Variants in PCDHGA9 observed in about 807,000 individuals in gnomAD.
PCDHGA9 encodes protocadherin gamma subfamily A, 9, also known as protocadherin gamma-A9.
In PCDHGA9, 37 loss-of-function variants were observed where a neutral mutation model predicts 62.5. That is an observed-to-expected ratio of 0.59 (90% CI 0.46 to 0.78). PCDHGA9 has a LOEUF of 0.78. Ranked by LOEUF, PCDHGA9 falls within the 30% of genes least tolerant of loss-of-function variation. The pLI, the probability that PCDHGA9 is intolerant of heterozygous loss-of-function variation, is 0.00. For missense variants in PCDHGA9, 1,138 were observed against 1,166.2 expected (o/e 0.98, Z 0.35); for synonymous variants, 459 against 484.6 (o/e 0.95, Z 0.69).
At chr5:141,420,651 T>A (rs1357679146) in intron 1 of PCDHGA9, among the ~76,000 whole-genome samples, 1 of 152,274 alleles carries the variant, frequency 6.6e-6, no homozygotes, top group East Asian at 1.9e-4. Flanking sequence ...GTAAGAATTA[T>A]AGTTAGGCAT....
At chr5:141,422,500 G>A (rs762511271) in intron 1 of PCDHGA9, 1 of 1,614,008 alleles carries the variant, frequency 6.2e-7, no homozygotes, top group Non-Finnish European at 8.5e-7. Flanking sequence ...AACGTTGACA[G>A]CCACAGACCA....
At chr5:141,448,263 A>G (rs2098578874) in intron 1 of PCDHGA9, among the ~76,000 whole-genome samples, 1 of 152,088 alleles carries the variant, frequency 6.6e-6, no homozygotes, top group Non-Finnish European at 1.5e-5. Flanking sequence ...ATTTTACAGT[A>G]TATATACTGT....
rs1317150359 is a variant in PCDHGA9 at position 141,420,381 on chromosome 5, G to A, written c.2424+15005G>A. On this transcript the variant is annotated intron_variant, in intron 1 of 3. Transcript: ENST00000573521. ...TCTAGATAACTTCTTCATAGAGTTC[G>A]CAAAATATAGGTCAAATTTATGGTT... The A allele has an allele frequency of 1.1e-5, 14 of 1,298,362 alleles. No homozygotes were observed. In the Admixed American group the frequency reaches 1.3e-4, roughly 13 times the overall value. The allele number at this position is 1,298,362 out of a possible 1,614,324, so 80.4% of individuals were successfully genotyped here.
rs776335336 is a variant in PCDHGA9 at position 141,403,470 on chromosome 5, G to A, written c.518G>A (p.Ser173Asn). The A allele has an allele frequency of 3.7e-5, 59 of 1,613,910 alleles. No homozygotes were observed. Among genetic ancestry groups the A allele is most frequent in the Non-Finnish European group, 4.8e-5 (57 of 1,179,918 alleles). ...GVNSLQSYQL[S>N]PNHHFSLNVQ... is the part of the protein sequence containing the mutation. ...AACTCCCTCCAGAGCTACCAGCTCAGCCCCAATCACCACTTCTCCCTGAAC... is the reference window on the plus strand; with the variant it reads ...AACTCCCTCCAGAGCTACCAGCTCAACCCCAATCACCACTTCTCCCTGAAC... Residue 173 changes from serine (S) to asparagine (N), a missense_variant, in exon 1 of 4, where the codon AGC (serine) becomes AAC (asparagine). By Grantham distance (46) the Ser-to-Asn change is conservative. Coordinates refer to ENST00000573521, the MANE Select transcript of PCDHGA9 (RefSeq NM_018921.3).
rs1437533706 is a variant in PCDHGA9, at chr5:141,511,419, G to C, written c.*246G>C. On this transcript the variant is annotated 3_prime_UTR_variant, in exon 4 of 4. Transcript: ENST00000573521. ...ATCCAATCAACTGCTGTACCCATGG[G>C]GGTAGTGGGGTTACTGTAGACACCA... The C allele has an allele frequency of 2.4e-6, 2 of 830,456 alleles. No individual in the cohort carries two copies. The highest frequency in any genetic ancestry group is 5.8e-5 in the East Asian group (2 of 34,260). 51.4% of individuals were successfully genotyped at this position (830,456 alleles called of 1,614,324 possible).
Position 141,415,740 on chromosome 5 carries a change from GTTTTTTTTTTTTTTTTTTT to G in PCDHGA9, c.2424+10378_2424+10396del, listed in dbSNP as rs57426385. ...TGAGTAGAATTTGATGTTTATTAAG[GTTTTTTTTTTTTTTTTTTT>G]TTTTTTTTTTTTTACTTTCTGGTAA... is the stretch of plus-strand genomic sequence containing the variant. On this transcript the variant is annotated intron_variant, in intron 1 of 3. Coordinates refer to ENST00000573521, the MANE Select transcript of PCDHGA9 (RefSeq NM_018921.3). The G allele has an allele frequency of 6.7e-5, 42 of 625,046 alleles. No individual in the cohort carries two copies. In the African/African-American group the frequency reaches 7.3e-4, roughly 11 times the overall value. 38.7% of individuals were successfully genotyped at this position (625,046 alleles called of 1,614,324 possible).
intron 1 of PCDHGA9, chr5:141,415,385 C>T (rs1388093443): frequency 3.7e-6 from 6 of 1,614,228 alleles, no homozygotes; most frequent in Non-Finnish European, 5.1e-6. Flanking sequence ...GGCGGCTTGA[C>T]AGGTGTGTCC....
Position 141,431,818 on chromosome 5 carries a change from C to T in PCDHGA9, c.2424+26442C>T, listed in dbSNP as rs201311339. On this transcript the variant is annotated intron_variant, in intron 1 of 3. Coordinates refer to ENST00000573521, the MANE Select transcript of PCDHGA9 (RefSeq NM_018921.3). This position sits in a 1 kb window ranked among gnomAD's most constrained non-coding sequence, Gnocchi z 4.8. ...CAGAAGTGGTCCTCACCTCTCTCGCCAGCTCGGTTCCCGAAAACTCTCCCA... is the reference window on the plus strand; with the variant it reads ...CAGAAGTGGTCCTCACCTCTCTCGCTAGCTCGGTTCCCGAAAACTCTCCCA... 130 of 1,614,122 alleles carry T rather than the reference C, an allele frequency of 8.1e-5. No homozygotes were observed. Among genetic ancestry groups the T allele is most frequent in the Non-Finnish European group, 1.0e-4 (121 of 1,180,040 alleles).
At chr5:141,414,762 T>G in intron 1 of PCDHGA9, 1 of 1,614,210 alleles carries the variant, frequency 6.2e-7, no homozygotes. Context: ...ATGAGCAGTT[T>G]CATGAGCTAC....
In PCDHGA9 at chr5:141,500,527, A is replaced by C. The variant is rs937551961; in HGVS notation, c.2484-4866A>C. On this transcript the variant is annotated intron_variant, in intron 2 of 3. Transcript: ENST00000573521. ...CCTGGCCGAGCTTCATTTTAAAAAA[A>C]TCTCATTCACCTAAATAAGTTGTTC... is the stretch of plus-strand genomic sequence containing the variant. 5.9e-5 allele frequency among the ~76,000 whole-genome samples: 9 copies of C among 152,298 alleles called. No individual in the cohort carries two copies. The South Asian group carries it at 6.2e-4, about 11-fold the overall frequency.
At position 141,490,176 on chromosome 5, in the gene PCDHGA9, G is replaced by T. The variant is rs758876319; in HGVS notation, c.2425-4631G>T. On this transcript the variant is annotated intron_variant, in intron 1 of 3. Transcript: ENST00000573521. This position sits in a 1 kb window ranked among gnomAD's most constrained non-coding sequence, Gnocchi z 5.4. ...TGTTGGGTCCCATAGACTTTGAGGAGTCACGTTTCTATGAAATTCATGCAA... is the reference window on the plus strand; with the variant it reads ...TGTTGGGTCCCATAGACTTTGAGGATTCACGTTTCTATGAAATTCATGCAA... 12 of 1,614,100 alleles carry T rather than the reference G, an allele frequency of 7.4e-6. No homozygotes were observed. Among genetic ancestry groups the T allele is most frequent in the Non-Finnish European group, 1.0e-5 (12 of 1,180,046 alleles).
chr5:141,510,833 C>T (rs2099882936), intron 3 of PCDHGA9, 114 bp from the exon 4 acceptor site: 46 of 1,577,678 alleles, frequency 2.9e-5, no homozygotes, highest in South Asian at 2.5e-4. Context: ...CAGTGCTCAG[C>T]GTGGTCAAGG....
At chr5:141,500,293 C>T (rs1380080572) in intron 2 of PCDHGA9, among the ~76,000 whole-genome samples, 3 of 151,870 alleles carry the variant, frequency 2.0e-5, no homozygotes, top group Non-Finnish European at 4.4e-5. Flanking sequence ...ACTGCAAGCT[C>T]CGCCTCCCAG....
At position 141,486,367 on chromosome 5, in the gene PCDHGA9, G is replaced by A; in HGVS notation, c.2425-8440G>A. On this transcript the variant is annotated intron_variant, in intron 1 of 3. Coordinates refer to ENST00000573521, the MANE Select transcript of PCDHGA9 (RefSeq NM_018921.3). This position sits in a 1 kb window ranked among gnomAD's most constrained non-coding sequence, Gnocchi z 5.0. Reference sequence around the variant, plus strand: ...CTGACCACTTGCCATTTGCCCTCAAGTCTGCCTTCAGGAACCAGTTCTCCC... The same window carrying A: ...CTGACCACTTGCCATTTGCCCTCAAATCTGCCTTCAGGAACCAGTTCTCCC... 1 of 1,614,148 alleles carries A rather than the reference G, an allele frequency of 6.2e-7. No individual in the cohort carries two copies. Among genetic ancestry groups the A allele is most frequent in the Non-Finnish European group, 8.5e-7 (1 of 1,180,022 alleles).
At chr5:141,417,706 A>T in intron 1 of PCDHGA9, 1 of 1,214,910 alleles carries the variant, frequency 8.2e-7, no homozygotes, top group Non-Finnish European at 1.1e-6. Flanking sequence ...TCCCACACAG[A>T]GGCTCCCGGC....
At chr5:141,430,737 A>G in intron 1 of PCDHGA9, 1 of 1,498,286 alleles carries the variant, frequency 6.7e-7, no homozygotes, top group South Asian at 1.4e-5. Flanking sequence ...CAGAATTGAA[A>G]ATAATTCTGG....
Position 141,431,530 on chromosome 5 carries a change from G to A in PCDHGA9, c.2424+26154G>A. On this transcript the variant is annotated intron_variant, in intron 1 of 3. Transcript: ENST00000573521. The surrounding 1 kb of genome is among the most constrained non-coding windows in gnomAD (Gnocchi z 4.8). ...CGAGCGTTCCGGAGAATCTGGCCTT[G>A]GGCACGCAGCTGCTTGTAGTCAACG... 3 of 1,614,072 alleles carry A rather than the reference G, an allele frequency of 1.9e-6. No homozygotes were observed. In the South Asian group the frequency reaches 3.3e-5, roughly 18 times the overall value.
At chr5:141,433,398 T>TCTAC (rs1487149690) in intron 1 of PCDHGA9, among the ~76,000 whole-genome samples, 2 of 151,396 alleles carry the variant, frequency 1.3e-5, no homozygotes, top group Non-Finnish European at 2.9e-5. Context: ...TATCTATCTA[T>TCTAC]CTATCTATTA....
chr5:141,430,705 T>C (rs914464861), intron 1 of PCDHGA9: 3 of 1,477,958 alleles, frequency 2.0e-6, no homozygotes, highest in African/African-American at 2.8e-5. Flanking sequence ...AAGGAACTGC[T>C]CCTGACTTCA....
Sources: gnomAD v4.1 joint callset for allele counts (sites outside exome capture counted in the v4.1 genomes callset) on GRCh38, gnomAD v4.1.1 for gene constraint, Gnocchi (gnomAD v3.1) non-coding constraint, MANE v1.5 for transcripts, NCBI Gene and HGNC (gene_info 2026-07-23, HGNC 2026-07-21) for gene names.